The following KLF3 variants were observed in gnomAD, a reference collection of about 807,000 sequenced individuals.
KLF3 encodes KLF transcription factor 3.
KLF3 carries 6 observed loss-of-function variants against 32.7 expected under a neutral mutation model. The observed-to-expected ratio is 0.18, with a 90% confidence interval of 0.10 to 0.36. KLF3 has a LOEUF of 0.36. KLF3 is among the 10% of genes least tolerant of loss of function. KLF3 has a pLI of 1.00. For missense variants in KLF3, 338 were observed against 449.7 expected (o/e 0.75, Z 2.25); for synonymous variants, 145 against 172.8 (o/e 0.84, Z 1.26).
intron 1 of KLF3, among the ~76,000 whole-genome samples, chr4:38,672,441 C>T (rs1030320451): frequency 6.6e-6 from 1 of 152,112 alleles, no homozygotes; most frequent in East Asian, 1.9e-4. Flanking sequence ...TTGGATCCCC[C>T]AGGGAGCAAT....
rs1036997672 is a variant in KLF3 at position 38,699,837 on chromosome 4, A to G, written c.*2574A>G. On this transcript the variant is annotated 3_prime_UTR_variant, in exon 6 of 6. Transcript: ENST00000261438. The stretch of plus-strand genomic sequence containing the variant: ...TTTCTTATATATATATTTGTATTTT[A>G]CTATGATAGTTGAGAAATTTAGCCT... 1 of 152,170 alleles carries G rather than the reference A, an allele frequency of 6.6e-6. No homozygotes were observed. 9.4% of individuals were successfully genotyped at this position (152,170 alleles called of 1,614,324 possible).
intron 1 of KLF3, among the ~76,000 whole-genome samples, chr4:38,677,707 C>A (rs1722394471): frequency 6.6e-6 from 1 of 152,098 alleles, no homozygotes; most frequent in Admixed American, 6.5e-5. Flanking sequence ...TGAATCTAGT[C>A]AGAGTTTTAT....
In KLF3 at chr4:38,689,797, C is replaced by T. The variant is rs143460542; in HGVS notation, c.613C>T (p.Pro205Ser). 2.2e-4 allele frequency: 349 copies of T among 1,612,640 alleles called. 1 individual carries two copies. The highest frequency in any genetic ancestry group is 6.2e-4 in the South Asian group (56 of 90,918). ...AATTAAAATAGAACCTGGGATCGAA[C>T]CACAGAGGACAGATTATTATCCTGA... ...KKIKIEPGIEPQRTDYYPEEM... is the reference protein window; with the variant it reads ...KKIKIEPGIESQRTDYYPEEM... The change falls in exon 4 of 6, where the codon CCA becomes TCA. Residue 205 changes from proline (P) to serine (S), a missense_variant. This residue lies in a region of KLF3 where 272 missense variants were observed against 313.4 expected (regional missense o/e 0.87). Transcript: ENST00000261438.
intron 1 of KLF3, among the ~76,000 whole-genome samples, chr4:38,668,074 A>G (rs1419133255): frequency 6.6e-6 from 1 of 152,248 alleles, no homozygotes; most frequent in Non-Finnish European, 1.5e-5. Flanking sequence ...AAATTCATTT[A>G]ATGCTAGATT....
chr4:38,696,766 G>A (rs1723055908), intron 5 of KLF3, among the ~76,000 whole-genome samples: 1 of 152,166 alleles, frequency 6.6e-6, no homozygotes, highest in Non-Finnish European at 1.5e-5. Context: ...GCAGGTTTAA[G>A]ATTTGGGAGA....
intron 5 of KLF3, among the ~76,000 whole-genome samples, chr4:38,695,611 C>T (rs1022431862): frequency 6.6e-6 from 1 of 152,158 alleles, no homozygotes; most frequent in African/African-American, 2.4e-5. Context: ...GTGACGTGCA[C>T]CTGTGGTCCC....
At position 38,698,250 on chromosome 4, in the gene KLF3, C is replaced by G. The variant is rs1340042228; in HGVS notation, c.*987C>G. 1 of 152,426 alleles carries G rather than the reference C, an allele frequency of 6.6e-6. No homozygotes were observed. Among genetic ancestry groups the G allele is most frequent in the Non-Finnish European group, 1.5e-5 (1 of 68,030 alleles). The allele number at this position is 152,426 out of a possible 1,614,324, so 9.4% of individuals were successfully genotyped here. On this transcript the variant is annotated 3_prime_UTR_variant, in exon 6 of 6. Coordinates refer to ENST00000261438, the MANE Select transcript of KLF3 (RefSeq NM_016531.6). The stretch of plus-strand genomic sequence containing the variant: ...TGCCCAGTAATGGTAAGAAATCTTT[C>G]GGGTAAGAGTATGGATGGTTCTTCT...
intron 4 of KLF3, among the ~76,000 whole-genome samples, chr4:38,692,863 T>C (rs1722913456): frequency 1.3e-5 from 2 of 152,222 alleles, no homozygotes; most frequent in South Asian, 4.2e-4. Flanking sequence ...ATTAAATTTC[T>C]ACCCCAGCAC....
At chr4:38,695,606 G>A (rs925911866) in intron 5 of KLF3, among the ~76,000 whole-genome samples, 3 of 152,148 alleles carry the variant, frequency 2.0e-5, no homozygotes, top group Admixed American at 6.5e-5. Context: ...GTGCAGTGAC[G>A]TGCACCTGTG....
Position 38,695,000 on chromosome 4 carries a change from G to C in KLF3, c.856+94G>C. On this transcript the variant is annotated intron_variant, in intron 5 of 5. Coordinates refer to ENST00000261438, the MANE Select transcript of KLF3 (RefSeq NM_016531.6). ...TACGATCAAAGTTTTCAGGCATCTT[G>C]AAAGTCACCACAGTCATCTCCAGAT... The C allele has an allele frequency of 3.3e-6, 4 of 1,194,932 alleles. No homozygotes were observed. In the South Asian group the frequency reaches 6.0e-5, roughly 18 times the overall value. 74.0% of individuals were successfully genotyped at this position (1,194,932 alleles called of 1,614,324 possible).
At chr4:38,686,669 G>A (rs1374635461) in intron 2 of KLF3, among the ~76,000 whole-genome samples, 1 of 152,118 alleles carries the variant, frequency 6.6e-6, no homozygotes, top group Non-Finnish European at 1.5e-5. Flanking sequence ...GAGCAGTAGA[G>A]CCCGTGACAG....
In KLF3 at chr4:38,689,756, C is replaced by T; in HGVS notation, c.572C>T (p.Pro191Leu). 1 of 1,604,620 alleles carries T rather than the reference C, an allele frequency of 6.2e-7. No homozygotes were observed. The highest frequency in any genetic ancestry group is 8.5e-7 in the Non-Finnish European group (1 of 1,174,156). Residue 191 changes from proline (P) to leucine (L), a missense_variant, in exon 4 of 6, where the codon CCT (proline) becomes CTT (leucine). Around this residue, in one of 2 missense-constraint regions of KLF3, gnomAD observed 272 missense variants for 313.4 expected, o/e 0.87. Coordinates refer to ENST00000261438, the MANE Select transcript of KLF3 (RefSeq NM_016531.6). ...QVPVIESYEK[P>L]ISQKKIKIEP... ...CCTGTAATTGAATCATATGAGAAGC[C>T]TATATCACAGAAAAAAATTAAAATA...
At chr4:38,673,169 C>T (rs1231037034) in intron 1 of KLF3, among the ~76,000 whole-genome samples, 1 of 152,246 alleles carries the variant, frequency 6.6e-6, no homozygotes, top group Non-Finnish European at 1.5e-5. Flanking sequence ...ATCACAGCCC[C>T]ATGGTTCCTT....
intron 3 of KLF3, among the ~76,000 whole-genome samples, chr4:38,689,478 T>TG (rs1478830605): frequency 6.6e-6 from 1 of 152,214 alleles, no homozygotes; most frequent in African/African-American, 2.4e-5. Context: ...TGAAAGGAAA[T>TG]AATCCAGAAT....
At chr4:38,685,469 T>C (rs1722664921) in intron 2 of KLF3, among the ~76,000 whole-genome samples, 1 of 152,188 alleles carries the variant, frequency 6.6e-6, no homozygotes. Context: ...AAAGCTTAGC[T>C]TTATGTGTGG....
In KLF3 at chr4:38,688,693, G is replaced by A. The variant is rs200524146; in HGVS notation, c.166G>A (p.Gly56Arg). The A allele has an allele frequency of 1.1e-5, 18 of 1,614,012 alleles. No individual in the cohort carries two copies. The highest frequency in any genetic ancestry group is 1.3e-5 in the African/African-American group (1 of 74,900). The change falls in exon 3 of 6, where the codon GGA (glycine) becomes AGA (arginine). Residue 56 changes from glycine to arginine, a missense_variant. Coordinates refer to ENST00000261438, the MANE Select transcript of KLF3 (RefSeq NM_016531.6). The surrounding 1 kb of genome is among the most constrained non-coding windows in gnomAD (Gnocchi z 4.9). ...TCAGACCCCAGAAGGTCTGTCGCAC[G>A]GAATACAGATGGAGCCAGTGGACCT... The part of the protein sequence containing the change: ...FFQTPEGLSH[G>R]IQMEPVDLTV...
rs1225751583 is a variant in KLF3, at chr4:38,674,665, AG to A, written c.-39-5921del. 1.3e-5 allele frequency among the ~76,000 whole-genome samples: 2 copies of A among 152,070 alleles called. No homozygotes were observed. Among genetic ancestry groups the A allele is most frequent in the Non-Finnish European group, 2.9e-5 (2 of 68,012 alleles). ...CTCGGGGTCAGTCCTGGGTTGGGGA[AG>A]ATAATGCAGGCACCCTTTGAGGATC... On this transcript the variant is annotated intron_variant, in intron 1 of 5. Transcript: ENST00000261438. The surrounding 1 kb of genome is among the most constrained non-coding windows in gnomAD (Gnocchi z 4.1).
At chr4:38,685,539 G>A (rs1722666685) in intron 2 of KLF3, among the ~76,000 whole-genome samples, 1 of 152,068 alleles carries the variant, frequency 6.6e-6, no homozygotes, top group Non-Finnish European at 1.5e-5. Context: ...CAAATCTGGA[G>A]GTTCTAAATT....
intron 2 of KLF3, among the ~76,000 whole-genome samples, chr4:38,683,124 T>C (rs576013122): frequency 1.9e-4 from 29 of 152,338 alleles, no homozygotes; most frequent in African/African-American, 5.8e-4. Context: ...CCTAATTTAT[T>C]ATTCCTTTTT....
Sources: allele counts gnomAD v4.1 joint callset (sites outside exome capture counted in the v4.1 genomes callset), GRCh38; gene constraint gnomAD v4.1.1; regional missense constraint gnomAD v4.1.1; non-coding constraint Gnocchi (gnomAD v3.1); transcripts MANE v1.5; gene names NCBI Gene and HGNC (gene_info 2026-07-23, HGNC 2026-07-21).